Variants in CEP128 observed in about 807,000 individuals in gnomAD.
The protein encoded by CEP128 is centrosomal protein 128kDa.
In CEP128, 132 loss-of-function variants were observed where a neutral mutation model predicts 156.7. The observed-to-expected ratio is 0.84, with a 90% CI of 0.73 to 0.97. CEP128 has a LOEUF of 0.97. CEP128 is among the 50% of genes least tolerant of loss of function. The probability of loss-of-function intolerance (pLI) is 0.00; values close to 1 mark genes in which losing one functional copy is unlikely to be tolerated. For synonymous variants in CEP128, 469 were observed against 448.9 expected, an observed-to-expected ratio of 1.04 and a Z score of -0.57; for missense variants, 1,252 against 1,281.9, an observed-to-expected ratio of 0.98 and a Z score of 0.36.
intron 13 of CEP128, among the ~76,000 whole-genome samples, chr14:80,812,556 C>T (rs1394083097): frequency 6.6e-6 from 1 of 151,978 alleles, no homozygotes; most frequent in Non-Finnish European, 1.5e-5. Context: ...CATAACCTTG[C>T]CTCTGGTTGT....
intron 19 of CEP128, among the ~76,000 whole-genome samples, chr14:80,693,623 A>C (rs1896791543): frequency 6.6e-6 from 1 of 152,222 alleles, no homozygotes; most frequent in South Asian, 2.1e-4. Context: ...CTTTATTTTA[A>C]AAAAGAGAAC....
chr14:80,955,905 G>T (rs1377028761), intron 2 of CEP128: 2 of 1,611,822 alleles, frequency 1.2e-6, no homozygotes, highest in East Asian at 4.5e-5. Context: ...CATCTGCAGA[G>T]GTGGCCCGAA....
intron 23 of CEP128, among the ~76,000 whole-genome samples, chr14:80,505,677 T>C (rs1224974034): frequency 6.6e-6 from 1 of 152,212 alleles, no homozygotes; most frequent in Non-Finnish European, 1.5e-5. Flanking sequence ...TATGAATGTG[T>C]CCTTCTCCAC....
chr14:80,794,325 C>T (rs1376370993), intron 13 of CEP128, among the ~76,000 whole-genome samples: 1 of 152,102 alleles, frequency 6.6e-6, no homozygotes, highest in Admixed American at 6.5e-5. Flanking sequence ...TTATGGCAAA[C>T]ATTTTTTTAA....
intron 19 of CEP128, among the ~76,000 whole-genome samples, chr14:80,637,039 T>C (rs1894211990): frequency 6.6e-6 from 1 of 150,572 alleles, no homozygotes; most frequent in Non-Finnish European, 1.5e-5. Context: ...TGAGCCAAGA[T>C]CGGGCCATTG....
At chr14:80,905,663 C>T (rs749419705) in intron 5 of CEP128, 7 of 263,070 alleles carry the variant, frequency 2.7e-5, no homozygotes, top group East Asian at 1.2e-4. Flanking sequence ...TATCACATAG[C>T]GAATTTATGT....
rs1421028226 is a variant in CEP128 at position 80,794,208 on chromosome 14, A to T, written c.1210-1098T>A. 2.0e-5 allele frequency among the ~76,000 whole-genome samples: 3 copies of T among 152,198 alleles called. No homozygotes were observed. In the East Asian group the frequency reaches 5.8e-4, roughly 29 times the overall value. On this transcript the variant is annotated intron_variant, in intron 13 of 24. Transcript: ENST00000555265. ...ACAAATGAAACTAGAAACATTTACC[A>T]AGCTCCTTTGGCCCCAACAGCAGAG...
intron 19 of CEP128, among the ~76,000 whole-genome samples, chr14:80,665,428 T>C (rs1895574137): frequency 6.6e-6 from 1 of 152,230 alleles, no homozygotes; most frequent in Non-Finnish European, 1.5e-5. Context: ...TTTAATTGAC[T>C]ATCCCAGCTT....
At chr14:80,615,130 C>T (rs6574590) in intron 19 of CEP128, among the ~76,000 whole-genome samples, 149,737 of 152,302 alleles carry the variant, frequency 0.98, 73,638 homozygotes, top group Middle Eastern at 1. Context: ...AGTGCTATGA[C>T]CCAAAAACCA....
intron 13 of CEP128, among the ~76,000 whole-genome samples, chr14:80,796,280 G>A (rs1353539847): frequency 6.6e-6 from 1 of 152,054 alleles, no homozygotes; most frequent in Admixed American, 6.6e-5. Context: ...GCAACATAGC[G>A]AAACTCCTGT....
At chr14:80,933,234 C>G (rs1039911051) in intron 2 of CEP128, among the ~76,000 whole-genome samples, 6 of 152,192 alleles carry the variant, frequency 3.9e-5, no homozygotes, top group African/African-American at 1.2e-4. Context: ...TAATTAGGAA[C>G]AGTGTCCTCT....
chr14:80,626,289 C>T (rs1411238913), intron 19 of CEP128, among the ~76,000 whole-genome samples: 2 of 150,706 alleles, frequency 1.3e-5, no homozygotes, highest in African/African-American at 4.9e-5. Context: ...AAGGTGAAAC[C>T]CCGTCTCTAC....
chr14:80,509,785 T>C (rs1352908796), intron 23 of CEP128, among the ~76,000 whole-genome samples: 1 of 152,206 alleles, frequency 6.6e-6, no homozygotes, highest in Non-Finnish European at 1.5e-5. Context: ...TAATCCATTT[T>C]GATTTGAATT....
rs1491470595 is a variant in CEP128 at position 80,617,217 on chromosome 14, A to ACCTTTTTTTTTTTTTTTTTTTT, written c.2807-36795_2807-36794insAAAAAAAAAAAAAAAAAAAAGG. Among the ~76,000 whole-genome samples the ACCTTTTTTTTTTTTTTTTTTTT allele has an allele frequency of 4.6e-5, 2 of 43,140 alleles. 1 individual carries two copies. The highest frequency in any genetic ancestry group is 1.0e-4 in the Non-Finnish European group (2 of 19,918). The allele number at this position is 43,140 out of a possible 152,430, so 28.3% of individuals were successfully genotyped here. On this transcript the variant is annotated intron_variant, in intron 19 of 24. Coordinates refer to ENST00000555265, the MANE Select transcript of CEP128 (RefSeq NM_152446.5). The stretch of plus-strand genomic sequence containing the variant: ...AAATCACTTAACCTATGTGAATATC[A>ACCTTTTTTTTTTTTTTTTTTTT]TCTTTTTTTTTTTTTTTTTTTTTTT...
chr14:80,811,141 A>G (rs148784105), intron 13 of CEP128, among the ~76,000 whole-genome samples: 9,877 of 152,182 alleles, frequency 0.065, 1,066 homozygotes, highest in African/African-American at 0.23. Flanking sequence ...TGGCTGCATC[A>G]TATTCCATGG....
chr14:80,627,227 G>A (rs1022816221), intron 19 of CEP128, among the ~76,000 whole-genome samples: 10 of 152,200 alleles, frequency 6.6e-5, no homozygotes, highest in East Asian at 5.8e-4. Flanking sequence ...GAGCAGTGCT[G>A]TATTTCCAGT....
chr14:80,559,163 C>G (rs1212572092), intron 21 of CEP128, 116 bp downstream of exon 21: 2 of 911,528 alleles, frequency 2.2e-6, no homozygotes, highest in African/African-American at 3.4e-5. Flanking sequence ...CCTTTGACAT[C>G]TTAGATGTAG....
rs544857740 is a variant in CEP128 at position 80,843,055 on chromosome 14, T to C, written c.763-2287A>G. Among the ~76,000 whole-genome samples, 6 of 151,902 alleles carry C rather than the reference T, an allele frequency of 3.9e-5. No individual in the cohort carries two copies. The South Asian group carries it at 6.2e-4, about 16-fold the overall frequency. On this transcript the variant is annotated intron_variant, in intron 9 of 24. Transcript: ENST00000555265. ...TAGTTATATATAATAAAAAAAAAGG[T>C]AGTTTTTCTTTTCAGAGAGTAGTAA...
At chr14:80,823,125 T>C (rs1885278759) in intron 13 of CEP128, among the ~76,000 whole-genome samples, 1 of 152,254 alleles carries the variant, frequency 6.6e-6, no homozygotes, top group South Asian at 2.1e-4. Flanking sequence ...AATTCATTTC[T>C]ATGTCCTCTT....
Sources: gnomAD v4.1 joint callset for allele counts (sites outside exome capture counted in the v4.1 genomes callset) on GRCh38, gnomAD v4.1.1 for gene constraint, MANE v1.5 for transcripts, NCBI Gene and HGNC (gene_info 2026-07-23, HGNC 2026-07-21) for gene names.